TMEM108: variants seen among roughly 807,000 people sequenced by gnomAD.
TMEM108 encodes cancer/testis antigen 124.
A neutral mutation model predicts 35.1 loss-of-function variants in TMEM108; 12 were observed. The ratio of observed to expected loss-of-function variants is 0.34; its 90% CI spans 0.22 to 0.55. The LOEUF (loss-of-function observed/expected upper bound fraction) is 0.55. TMEM108 is among the 20% of genes least tolerant of loss of function. The pLI, the probability that TMEM108 is intolerant of heterozygous loss-of-function variation, is 0.89. For missense variants in TMEM108, 680 were observed against 753.3 expected (o/e 0.90, Z 1.14); for synonymous variants, 287 against 308.6 (o/e 0.93, Z 0.73).
Position 133,109,738 on chromosome 3 carries a change from CA to C in TMEM108, c.-47+63719del, listed in dbSNP as rs994516415. Among the ~76,000 whole-genome samples, 105 of 152,256 alleles carry C rather than the reference CA, an allele frequency of 6.9e-4. 1 individual carries two copies. Among genetic ancestry groups the C allele is most frequent in the African/African-American group, 2.5e-3 (103 of 41,558 alleles). On this transcript the variant is annotated intron_variant, in intron 2 of 5. Transcript: ENST00000321871. ...GAAAGGCTGTCATTGCATGCGTTGA[CA>C]GTGAGTAAGTAAGCAAATCTGTGCC...
intron 3 of TMEM108, among the ~76,000 whole-genome samples, chr3:133,332,081 T>TGC (rs942480600): frequency 2.7e-4 from 14 of 52,528 alleles, no homozygotes; most frequent in African/African-American, 5.1e-4. Flanking sequence ...CGTGCGCACG[T>TGC]GCACACACAC....
intron 3 of TMEM108, among the ~76,000 whole-genome samples, chr3:133,314,153 T>A (rs11715376): frequency 0.34 from 51,487 of 152,058 alleles, 9,100 homozygotes; most frequent in East Asian, 0.48. Context: ...CTGTTTCATC[T>A]AATGAAGATA....
At chr3:133,286,115 A>G (rs1011489554) in intron 3 of TMEM108, among the ~76,000 whole-genome samples, 18 of 152,342 alleles carry the variant, frequency 1.2e-4, no homozygotes, top group African/African-American at 4.1e-4. Flanking sequence ...CGTTGAATTA[A>G]TAAATGAAAT....
intron 2 of TMEM108, among the ~76,000 whole-genome samples, chr3:133,161,116 T>C (rs1260646087): frequency 6.6e-6 from 1 of 152,214 alleles, no homozygotes; most frequent in Non-Finnish European, 1.5e-5. Flanking sequence ...TAACCCCACA[T>C]GATCTGGTCC....
chr3:133,151,661 C>T (rs1000469345), intron 2 of TMEM108, among the ~76,000 whole-genome samples: 1 of 152,008 alleles, frequency 6.6e-6, no homozygotes, highest in Non-Finnish European at 1.5e-5. Context: ...TGTAACAAAC[C>T]AGGCTTAATG....
At chr3:133,289,070 T>A (rs1321624420) in intron 3 of TMEM108, among the ~76,000 whole-genome samples, 1 of 152,084 alleles carries the variant, frequency 6.6e-6, no homozygotes, top group Non-Finnish European at 1.5e-5. Context: ...ATATTTTAAA[T>A]ATAGAAATAT....
intron 3 of TMEM108, among the ~76,000 whole-genome samples, chr3:133,356,415 A>G (rs2370382): frequency 6.6e-4 from 100 of 152,268 alleles, no homozygotes; most frequent in African/African-American, 2.3e-3. Flanking sequence ...ATCTACAGAT[A>G]CAATGCAATT....
At chr3:133,219,837 A>G (rs1218389450) in intron 2 of TMEM108, among the ~76,000 whole-genome samples, 2 of 152,132 alleles carry the variant, frequency 1.3e-5, no homozygotes, top group East Asian at 3.8e-4. Flanking sequence ...TGTCTGTACC[A>G]TTTGCTCTAA....
At position 133,069,424 on chromosome 3, in the gene TMEM108, C is replaced by G. The variant is rs568301729; in HGVS notation, c.-47+23404C>G. ...AATAAGGGCACTTACTTTACTCCCT[C>G]AGGACTCCTTCGTTTCAGTGGTAGT... On this transcript the variant is annotated intron_variant, in intron 2 of 5. Transcript: ENST00000321871. Among the ~76,000 whole-genome samples, 8 of 152,220 alleles carry G rather than the reference C, an allele frequency of 5.3e-5. No individual in the cohort carries two copies. The South Asian group carries it at 8.3e-4, about 16-fold the overall frequency.
intron 3 of TMEM108, among the ~76,000 whole-genome samples, chr3:133,307,591 G>T (rs1220138767): frequency 3.9e-5 from 6 of 152,056 alleles, no homozygotes; most frequent in Non-Finnish European, 8.8e-5. Flanking sequence ...TCTACATATG[G>T]CTAGCCAGTT....
chr3:133,384,384 G>A (rs1297210068), intron 4 of TMEM108, among the ~76,000 whole-genome samples: 1 of 152,182 alleles, frequency 6.6e-6, no homozygotes, highest in East Asian at 1.9e-4. Flanking sequence ...CCTGGTAGAA[G>A]TGGGAGTTGA....
intron 2 of TMEM108, among the ~76,000 whole-genome samples, chr3:133,219,827 T>A (rs978641827): frequency 3.9e-5 from 6 of 152,160 alleles, no homozygotes; most frequent in African/African-American, 1.4e-4. Flanking sequence ...GTTCTATATA[T>A]GTCTGTACCA....
At chr3:133,227,189 CTTTTTTTTTTTT>C (rs35518753) in intron 2 of TMEM108, among the ~76,000 whole-genome samples, 1 of 83,492 alleles carries the variant, frequency 1.2e-5, no homozygotes, top group African/African-American at 4.9e-5. Context: ...GAAGGCCTTT[CTTTTTTTTTTTT>C]TTTTTTTTTT....
intron 2 of TMEM108, among the ~76,000 whole-genome samples, chr3:133,134,386 G>A (rs988512735): frequency 1.3e-5 from 2 of 151,850 alleles, no homozygotes; most frequent in Non-Finnish European, 2.9e-5. Context: ...TCAATTACTA[G>A]GAGAGTTGTA....
chr3:133,278,359 G>C (rs1946866216), intron 3 of TMEM108, among the ~76,000 whole-genome samples: 1 of 152,218 alleles, frequency 6.6e-6, no homozygotes, highest in Non-Finnish European at 1.5e-5. Context: ...GGGGACACTG[G>C]TGTTCCATAT....
intron 3 of TMEM108, among the ~76,000 whole-genome samples, chr3:133,235,534 A>AGGT (rs1946223354): frequency 6.6e-6 from 1 of 152,178 alleles, no homozygotes; most frequent in Non-Finnish European, 1.5e-5. Context: ...GACTTACCTT[A>AGGT]GGTAAGTTAC....
At chr3:133,143,414 T>C (rs1944667188) in intron 2 of TMEM108, among the ~76,000 whole-genome samples, 1 of 150,838 alleles carries the variant, frequency 6.6e-6, no homozygotes, top group Non-Finnish European at 1.5e-5. Flanking sequence ...TGGAGCTGTT[T>C]AAAAAAGAAA....
At chr3:133,163,299 GTC>G (rs1162502506) in intron 2 of TMEM108, among the ~76,000 whole-genome samples, 1 of 152,106 alleles carries the variant, frequency 6.6e-6, no homozygotes, top group Non-Finnish European at 1.5e-5. Context: ...ACTGGCCATT[GTC>G]TTCCCTGTCC....
chr3:133,083,207 G>C (rs1053186293), intron 2 of TMEM108, among the ~76,000 whole-genome samples: 8 of 63,162 alleles, frequency 1.3e-4, no homozygotes, highest in Non-Finnish European at 2.1e-4. Context: ...TCCTCAGCCT[G>C]GCTTGACTGT....
Sources: gnomAD v4.1 joint callset for allele counts (sites outside exome capture counted in the v4.1 genomes callset) on GRCh38, gnomAD v4.1.1 for gene constraint, MANE v1.5 for transcripts, NCBI Gene and HGNC (gene_info 2026-07-23, HGNC 2026-07-21) for gene names.